The following ARHGAP26 variants were observed in gnomAD, a reference collection of about 807,000 sequenced individuals.
ARHGAP26 encodes rho GTPase-activating protein 26.
In ARHGAP26, 38 loss-of-function variants were observed where a neutral mutation model predicts 104.8. That is an observed-to-expected ratio of 0.36 (90% confidence interval 0.28 to 0.48). The LOEUF (loss-of-function observed/expected upper bound fraction) is 0.48, where lower values mean the gene tolerates loss of function less well. Among genes scored for constraint, ARHGAP26 ranks in the 20% least tolerant of loss-of-function variants. The pLI, the probability that ARHGAP26 is intolerant of heterozygous loss-of-function variation, is 0.99. For missense variants in ARHGAP26, 704 were observed against 947.9 expected (o/e 0.74, Z 3.38); for synonymous variants, 341 against 340.0 (o/e 1.00, Z -0.03).
At position 143,223,219 on chromosome 5, in the gene ARHGAP26, GAC is replaced by G. The variant is rs1811409669; in HGVS notation, c.*777_*778del. On this transcript the variant is annotated 3_prime_UTR_variant, in exon 23 of 23. Transcript: ENST00000645722. ...ATAAAATAACACATCCTCTTTGCATGACACATTTTTTTTCTCCCCTTTTTGGT... is the reference window on the plus strand; with the variant it reads ...ATAAAATAACACATCCTCTTTGCATGACATTTTTTTTCTCCCCTTTTTGGT... 1 of 233,052 alleles carries G rather than the reference GAC, an allele frequency of 4.3e-6. No homozygotes were observed. The highest frequency in any genetic ancestry group is 2.2e-5 in the African/African-American group (1 of 45,290). The allele number at this position is 233,052 out of a possible 1,614,324, so 14.4% of individuals were successfully genotyped here.
chr5:143,099,779 C>T (rs1382270052), intron 17 of ARHGAP26, among the ~76,000 whole-genome samples: 1 of 152,060 alleles, frequency 6.6e-6, no homozygotes, highest in Non-Finnish European at 1.5e-5. Context: ...TATCAAAACC[C>T]AAGAACTTCA....
intron 1 of ARHGAP26, among the ~76,000 whole-genome samples, chr5:142,856,107 C>T (rs998568967): frequency 2.6e-5 from 4 of 152,206 alleles, no homozygotes; most frequent in African/African-American, 9.7e-5. Context: ...CTGAAGTGAG[C>T]ACTGGGCTGT....
intron 20 of ARHGAP26, among the ~76,000 whole-genome samples, chr5:143,161,488 T>A (rs562023032): frequency 6.6e-6 from 1 of 152,216 alleles, no homozygotes. Context: ...TCTGTCATTC[T>A]CCATCTGCTA....
At chr5:142,950,539 A>G (rs1291155676) in intron 11 of ARHGAP26, among the ~76,000 whole-genome samples, 1 of 152,162 alleles carries the variant, frequency 6.6e-6, no homozygotes, top group African/African-American at 2.4e-5. Flanking sequence ...GAAATCCTTA[A>G]GGTGATCCTT....
intron 1 of ARHGAP26, among the ~76,000 whole-genome samples, chr5:142,830,203 A>C (rs1050995796): frequency 6.6e-6 from 1 of 152,188 alleles, no homozygotes; most frequent in Non-Finnish European, 1.5e-5. Flanking sequence ...ATGGAGTGCT[A>C]TTATTCAGGT....
chr5:142,937,168 TTAAATAAA>T (rs558863230), intron 11 of ARHGAP26, among the ~76,000 whole-genome samples: 4 of 151,850 alleles, frequency 2.6e-5, no homozygotes, highest in African/African-American at 4.8e-5. Flanking sequence ...AGATCTAGGA[TTAAATAAA>T]TAAATAAATA....
chr5:143,002,136 C>T (rs576193244), intron 11 of ARHGAP26, among the ~76,000 whole-genome samples: 2 of 152,188 alleles, frequency 1.3e-5, no homozygotes, highest in Admixed American at 6.5e-5. Context: ...TGCCACTGCC[C>T]GGAACCTCCT....
intron 15 of ARHGAP26, among the ~76,000 whole-genome samples, chr5:143,054,784 A>G (rs1397143469): frequency 1.3e-5 from 2 of 152,240 alleles, no homozygotes; most frequent in Non-Finnish European, 2.9e-5. Context: ...ATAATTAGCC[A>G]TGAACAGAAC....
chr5:143,161,715 C>A (rs1562530561), intron 20 of ARHGAP26, among the ~76,000 whole-genome samples: 1 of 152,130 alleles, frequency 6.6e-6, no homozygotes, highest in Admixed American at 6.6e-5. Flanking sequence ...AAAATTGGGA[C>A]ATTTTAGTAA....
At chr5:142,779,847 CA>C (rs1233328684) in intron 1 of ARHGAP26, among the ~76,000 whole-genome samples, 32 of 152,176 alleles carry the variant, frequency 2.1e-4, no homozygotes, top group Non-Finnish European at 3.5e-4. Context: ...ACTTGTGGGT[CA>C]GGGGTAGACA....
chr5:142,833,876 C>G (rs1348934883), intron 1 of ARHGAP26, among the ~76,000 whole-genome samples: 1 of 152,132 alleles, frequency 6.6e-6, no homozygotes, highest in Non-Finnish European at 1.5e-5. Flanking sequence ...TTCAAACTAC[C>G]ACTTGGAAAT....
intron 5 of ARHGAP26, among the ~76,000 whole-genome samples, chr5:142,890,826 C>T (rs1436844355): frequency 3.3e-5 from 5 of 152,188 alleles, no homozygotes; most frequent in Non-Finnish European, 7.3e-5. Context: ...GATATTATCT[C>T]CATCTTCTAA....
intron 17 of ARHGAP26, among the ~76,000 whole-genome samples, chr5:143,074,455 C>G (rs957718614): frequency 2.0e-5 from 3 of 152,106 alleles, no homozygotes; most frequent in African/African-American, 7.2e-5. Context: ...ATTGCTGGTT[C>G]TTGTATGACC....
intron 18 of ARHGAP26, among the ~76,000 whole-genome samples, chr5:143,123,697 A>G (rs1796395887): frequency 6.6e-6 from 1 of 152,174 alleles, no homozygotes. Context: ...TACAAAAAAT[A>G]AAAATGAAAA....
intron 4 of ARHGAP26, among the ~76,000 whole-genome samples, chr5:142,880,060 G>A (rs1476690749): frequency 6.6e-6 from 1 of 152,206 alleles, no homozygotes; most frequent in African/African-American, 2.4e-5. Context: ...GTCAAAAAAT[G>A]ACATCTGCAG....
chr5:142,825,407 T>C (rs1459172699), intron 1 of ARHGAP26, among the ~76,000 whole-genome samples: 1 of 152,126 alleles, frequency 6.6e-6, no homozygotes, highest in East Asian at 1.9e-4. Context: ...GTGCCCTTCC[T>C]GCTCGAGGTG....
chr5:142,778,658 A>G (rs1168079657), intron 1 of ARHGAP26, among the ~76,000 whole-genome samples: 1 of 152,096 alleles, frequency 6.6e-6, no homozygotes. Context: ...TCACTATTAG[A>G]AGGCGTGCTG....
chr5:142,996,377 C>G lies in ARHGAP26; in HGVS notation c.1108-17703C>G, dbSNP rs1776391252. 2.0e-5 allele frequency among the ~76,000 whole-genome samples: 3 copies of G among 152,094 alleles called. No individual in the cohort carries two copies. The South Asian group carries it at 6.2e-4, about 32-fold the overall frequency. On this transcript the variant is annotated intron_variant, in intron 11 of 22. Coordinates refer to ENST00000645722, the MANE Select transcript of ARHGAP26 (RefSeq NM_001135608.3). ...GTTTGGTGGCATGTGCCTGTAATCC[C>G]AGCTACTTAGGAGGCTGAGGCAGGA...
At position 142,903,600 on chromosome 5, in the gene ARHGAP26, G is replaced by C; in HGVS notation, c.763G>C (p.Glu255Gln). 6.2e-7 allele frequency: 1 copy of C among 1,614,020 alleles called. No individual in the cohort carries two copies. Residue 255 changes from glutamate (E) to glutamine (Q), a missense_variant, in exon 8 of 23, where the codon GAG becomes CAG. By Grantham distance (29) the Glu-to-Gln change is conservative. Coordinates refer to ENST00000645722, the MANE Select transcript of ARHGAP26 (RefSeq NM_001135608.3). ...GGAATCACTGATGAAAAAGATGAAG[G>C]AGAATCCCCTTGAGCACAAGACCAT... is the stretch of plus-strand genomic sequence containing the variant. ...EVESLMKKMK[E>Q]NPLEHKTISP...
Sources: gnomAD v4.1 joint callset for allele counts (sites outside exome capture counted in the v4.1 genomes callset) on GRCh38, gnomAD v4.1.1 for gene constraint, MANE v1.5 for transcripts, NCBI Gene and HGNC (gene_info 2026-07-23, HGNC 2026-07-21) for gene names.